CYFIP2: variants seen among roughly 807,000 people sequenced by gnomAD.
CYFIP2 encodes the protein cytoplasmic FMR1-interacting protein 2.
CYFIP2 carries 29 observed loss-of-function variants against 158.7 expected under a neutral mutation model. The ratio of observed to expected loss-of-function variants is 0.18; its 90% CI spans 0.14 to 0.25. CYFIP2 has a LOEUF of 0.25. CYFIP2 is among the 10% of genes least tolerant of loss of function. The pLI is 1.00. For missense variants in CYFIP2, 852 were observed against 1,639.5 expected, an observed-to-expected ratio of 0.52 and a Z score of 8.29; for synonymous variants, 585 against 617.6, an observed-to-expected ratio of 0.95 and a Z score of 0.78.
At chr5:157,375,651 T>TA (rs1554121278) in intron 26 of CYFIP2, 1 of 151,772 alleles carries the variant, frequency 6.6e-6, no homozygotes, top group Non-Finnish European at 1.5e-5. Flanking sequence ...TTTTTTTTTT[T>TA]AGCTCATCAG....
At chr5:157,355,666 G>A (rs1763362295) in intron 23 of CYFIP2, among the ~76,000 whole-genome samples, 1 of 152,206 alleles carries the variant, frequency 6.6e-6, no homozygotes, top group Non-Finnish European at 1.5e-5. Context: ...GTAGATGATT[G>A]CTTTTTGTCC....
At chr5:157,386,412 G>A (rs987531298) in intron 28 of CYFIP2, among the ~76,000 whole-genome samples, 2 of 151,928 alleles carry the variant, frequency 1.3e-5, no homozygotes, top group African/African-American at 2.4e-5. Flanking sequence ...TAGAGATGAG[G>A]TGTCACTATG....
chr5:157,383,383 G>A, intron 28 of CYFIP2, 24 bp downstream of exon 28: 1 of 1,598,046 alleles, frequency 6.3e-7, no homozygotes, highest in Non-Finnish European at 8.6e-7. Flanking sequence ...ATAATAAATG[G>A]GCTCTGATCA....
chr5:157,390,011 G>A (rs967249226), intron 29 of CYFIP2, among the ~76,000 whole-genome samples: 9 of 152,174 alleles, frequency 5.9e-5, no homozygotes, highest in Admixed American at 2.0e-4. Context: ...CCTCTTGAGA[G>A]TTGGAGCTTT....
chr5:157,266,578 A>G lies in CYFIP2; in HGVS notation c.-24+383A>G, dbSNP rs114654219. The G allele has an allele frequency of 0.034, 5,133 of 152,474 alleles. 275 individuals carry two copies. Among genetic ancestry groups the G allele is most frequent in the African/African-American group, 0.12 (4,832 of 41,526 alleles). The allele number at this position is 152,474 out of a possible 1,614,324, so 9.4% of individuals were successfully genotyped here. The stretch of plus-strand genomic sequence containing the variant: ...GAGCCCGGCAGCGGCGACATCCTCG[A>G]GTCCAGGTACTGCAGAGCGCTGGCC... On this transcript the variant is annotated intron_variant, in intron 1 of 30. Transcript: ENST00000620254. The surrounding 1 kb of genome is among the most constrained non-coding windows in gnomAD (Gnocchi z 4.2).
chr5:157,342,769 A>G (rs1762365243), intron 23 of CYFIP2: 1 of 1,258,986 alleles, frequency 7.9e-7, no homozygotes, highest in East Asian at 2.5e-5. Context: ...GTTTGATGGG[A>G]GAGAAATGGG....
At chr5:157,291,025 C>G (rs77262788) in intron 3 of CYFIP2, among the ~76,000 whole-genome samples, 3 of 152,062 alleles carry the variant, frequency 2.0e-5, no homozygotes, top group African/African-American at 7.3e-5. Flanking sequence ...GGGTTTAAGT[C>G]ATGGACTTTC....
intron 26 of CYFIP2, among the ~76,000 whole-genome samples, chr5:157,366,129 CCT>C (rs1293490668): frequency 6.6e-6 from 1 of 152,006 alleles, no homozygotes; most frequent in Non-Finnish European, 1.5e-5. Context: ...ACAATTTGTC[CCT>C]CTTTAATCAT....
rs1758121770 is a variant in CYFIP2 at position 157,294,844 on chromosome 5, C to T, written c.269C>T (p.Ser90Phe). 1.2e-6 allele frequency: 2 copies of T among 1,613,430 alleles called. No individual in the cohort carries two copies. Among genetic ancestry groups the T allele is most frequent in the South Asian group, 1.1e-5 (1 of 91,036 alleles). ...AVMLYTWRSC[S>F]RAIPQVKCNE... Reference sequence around the variant, plus strand: ...ATGCTGTACACCTGGCGCAGCTGTTCCCGGGCCATTCCCCAGGTGAGACTG... The same window carrying T: ...ATGCTGTACACCTGGCGCAGCTGTTTCCGGGCCATTCCCCAGGTGAGACTG... The change falls in exon 4 of 31, where the codon TCC (serine) becomes TTC (phenylalanine). Residue 90 changes from serine (S) to phenylalanine (F), a missense_variant. Ser to Phe is a radical substitution (Grantham distance 155, BLOSUM62 -2). Coordinates refer to ENST00000620254, the MANE Select transcript of CYFIP2 (RefSeq NM_001037333.3).
chr5:157,392,916 G>C lies in CYFIP2; in HGVS notation c.3678G>C (p.Lys1226Asn). The change falls in exon 31 of 31, where the codon AAG becomes AAC. Residue 1226 changes from lysine (K) to asparagine (N), a missense_variant. Physicochemically the swap from Lys to Asn is moderately conservative, Grantham distance 94. Coordinates refer to ENST00000620254, the MANE Select transcript of CYFIP2 (RefSeq NM_001037333.3). ...TTGCCATCCTGAACAAATACATGAA[G>C]TCCGTGGAGACAGACAGTTCCACTG... ...EVFAILNKYM[K>N]SVETDSSTVE... The C allele has an allele frequency of 6.2e-7, 1 of 1,613,990 alleles. No homozygotes were observed. The highest frequency in any genetic ancestry group is 8.5e-7 in the Non-Finnish European group (1 of 1,179,896).
chr5:157,351,261 A>C (rs569792077), intron 23 of CYFIP2, among the ~76,000 whole-genome samples: 1 of 152,338 alleles, frequency 6.6e-6, no homozygotes, highest in East Asian at 1.9e-4. Context: ...TATTAAGAAG[A>C]AAAGGTCAGT....
intron 28 of CYFIP2, among the ~76,000 whole-genome samples, chr5:157,387,928 T>C (rs950407540): frequency 2.6e-5 from 4 of 152,206 alleles, no homozygotes; most frequent in Admixed American, 6.5e-5. Context: ...GACTCCTGCA[T>C]TGGTGTCTCC....
intron 29 of CYFIP2, among the ~76,000 whole-genome samples, chr5:157,390,251 TCA>T (rs1199071833): frequency 6.6e-6 from 1 of 151,156 alleles, no homozygotes; most frequent in Non-Finnish European, 1.5e-5. Flanking sequence ...CCTTGCAAAT[TCA>T]GAGCGTCTTT....
At chr5:157,300,553 A>G (rs1467328093) in intron 5 of CYFIP2, among the ~76,000 whole-genome samples, 162 bp from the exon 6 acceptor site, 1 of 152,046 alleles carries the variant, frequency 6.6e-6, no homozygotes, top group African/African-American at 2.4e-5. Context: ...AAAAAAAGAA[A>G]AAAAGAAATT....
At chr5:157,291,056 G>A (rs1757783233) in intron 3 of CYFIP2, among the ~76,000 whole-genome samples, 1 of 152,138 alleles carries the variant, frequency 6.6e-6, no homozygotes, top group Admixed American at 6.5e-5. Context: ...AAATGTAAAG[G>A]ACCTTAGAGA....
chr5:157,392,461 C>A (rs746694224), intron 30 of CYFIP2, among the ~76,000 whole-genome samples: 1 of 152,166 alleles, frequency 6.6e-6, no homozygotes, highest in Non-Finnish European at 1.5e-5. Context: ...TTTCCCAGCA[C>A]CTTTTGTTGA....
chr5:157,365,092 A>C (rs1764241267), intron 26 of CYFIP2: 1 of 152,218 alleles, frequency 6.6e-6, no homozygotes. Flanking sequence ...AAGCATACCA[A>C]TATTTAACAG....
intron 3 of CYFIP2, among the ~76,000 whole-genome samples, chr5:157,290,477 G>C (rs888435384): frequency 2.6e-5 from 4 of 152,096 alleles, no homozygotes; most frequent in Non-Finnish European, 5.9e-5. Context: ...TGTTTACACT[G>C]GGCTCCCCAG....
At position 157,360,377 on chromosome 5, in the gene CYFIP2, G is replaced by A; in HGVS notation, c.2908+5G>A. Reference sequence around the variant, plus strand: ...GACATGAGTATGGCTCCCCAGGTTGGTGATAGCAAAACAATCCAGACCCCT... The same window carrying A: ...GACATGAGTATGGCTCCCCAGGTTGATGATAGCAAAACAATCCAGACCCCT... On this transcript the variant is annotated splice_donor_5th_base_variant and intron_variant, in intron 25 of 30. Transcript: ENST00000620254. The A allele has an allele frequency of 6.2e-7, 1 of 1,612,690 alleles. No homozygotes were observed. Among genetic ancestry groups the A allele is most frequent in the Non-Finnish European group, 8.5e-7 (1 of 1,179,122 alleles).
Sources: gnomAD v4.1 joint callset for allele counts (sites outside exome capture counted in the v4.1 genomes callset) on GRCh38, gnomAD v4.1.1 for gene constraint, Gnocchi (gnomAD v3.1) non-coding constraint, MANE v1.5 for transcripts, NCBI Gene and HGNC (gene_info 2026-07-23, HGNC 2026-07-21) for gene names.